Variants in CEP70 observed in about 807,000 individuals in gnomAD.
The protein encoded by CEP70 is centrosomal protein of 70 kDa.
CEP70 carries 70 observed loss-of-function variants against 90.9 expected under a neutral mutation model. That is an observed-to-expected ratio of 0.77 (90% CI 0.64 to 0.94). CEP70 has a LOEUF of 0.94. Ranked by LOEUF, CEP70 falls within the 40% of genes least tolerant of loss-of-function variation. The pLI is 0.00. For synonymous variants in CEP70, 220 were observed against 228.3 expected, an observed-to-expected ratio of 0.96 and a Z score of 0.33; for missense variants, 648 against 669.0, an observed-to-expected ratio of 0.97 and a Z score of 0.35.
At chr3:138,572,251 A>G (rs1016797016) in intron 3 of CEP70, among the ~76,000 whole-genome samples, 1 of 152,224 alleles carries the variant, frequency 6.6e-6, no homozygotes, top group African/African-American at 2.4e-5. Context: ...ACACTCTCAA[A>G]GTCAAACAAG....
intron 6 of CEP70, among the ~76,000 whole-genome samples, chr3:138,553,295 C>T (rs776937728): frequency 9.9e-5 from 15 of 151,950 alleles, no homozygotes; most frequent in African/African-American, 1.9e-4. Flanking sequence ...CTGGCTAACA[C>T]GGTGAAACCC....
chr3:138,583,126 T>C (rs1049540610), intron 2 of CEP70, among the ~76,000 whole-genome samples: 5 of 152,100 alleles, frequency 3.3e-5, no homozygotes, highest in African/African-American at 1.2e-4. Flanking sequence ...GAAAAGGATA[T>C]TACATGCCAA....
chr3:138,554,138 T>C (rs148527699), intron 6 of CEP70, among the ~76,000 whole-genome samples: 1 of 151,204 alleles, frequency 6.6e-6, no homozygotes, highest in Non-Finnish European at 1.5e-5. Flanking sequence ...GAGGCGGAGA[T>C]TTCAGTGAGC....
At chr3:138,544,489 C>G (rs1447285067) in intron 6 of CEP70, among the ~76,000 whole-genome samples, 1 of 150,028 alleles carries the variant, frequency 6.7e-6, no homozygotes, top group Non-Finnish European at 1.5e-5. Flanking sequence ...CCATATGATC[C>G]AGCAAACCCA....
intron 6 of CEP70, among the ~76,000 whole-genome samples, chr3:138,545,970 T>C (rs2039164217): frequency 6.6e-6 from 1 of 152,186 alleles, no homozygotes; most frequent in Non-Finnish European, 1.5e-5. Context: ...ATACTAATTT[T>C]GCCCTTTGCC....
At chr3:138,500,626 A>G in intron 14 of CEP70, 59 bp from the exon 15 acceptor site, 1 of 1,521,888 alleles carries the variant, frequency 6.6e-7, no homozygotes, top group Non-Finnish European at 8.8e-7. Context: ...TCCCAAATAA[A>G]AACTTTTAAA....
chr3:138,516,176 A>T (rs900608041), intron 11 of CEP70, among the ~76,000 whole-genome samples: 1 of 152,068 alleles, frequency 6.6e-6, no homozygotes, highest in Non-Finnish European at 1.5e-5. Flanking sequence ...CCCTTCATGT[A>T]ATCTCTATGA....
Position 138,532,697 on chromosome 3 carries a change from T to A in CEP70, c.636-127A>T, listed in dbSNP as rs997380420. The A allele has an allele frequency of 2.3e-5, 19 of 830,646 alleles. No homozygotes were observed. In the South Asian group the frequency reaches 2.5e-4, roughly 11 times the overall value. 51.5% of individuals were successfully genotyped at this position (830,646 alleles called of 1,614,324 possible). A position where few individuals can be genotyped will look rare whatever the true frequency, so the allele number is the denominator to read the frequency against. The stretch of plus-strand genomic sequence containing the variant: ...AGATTATCTGGCAGGCTTTAAAAAA[T>A]TTAAGTGATTCTTACCAAAAAGCAA... On this transcript the variant is annotated intron_variant, in intron 7 of 17. Transcript: ENST00000264982.
At chr3:138,576,419 G>A (rs7626823) in intron 2 of CEP70, among the ~76,000 whole-genome samples, 1,574 of 152,164 alleles carry the variant, frequency 0.01, 27 homozygotes, top group African/African-American at 0.037. Flanking sequence ...AAATATACAC[G>A]CACCCAATAC....
At chr3:138,522,194 AT>A (rs1387610184) in intron 11 of CEP70, among the ~76,000 whole-genome samples, 1 of 152,006 alleles carries the variant, frequency 6.6e-6, no homozygotes, top group African/African-American at 2.4e-5. Flanking sequence ...CTTTGTTCAC[AT>A]GTTTATCTGC....
chr3:138,510,801 A>G (rs1376361836), intron 11 of CEP70, among the ~76,000 whole-genome samples: 1 of 151,954 alleles, frequency 6.6e-6, no homozygotes, highest in Non-Finnish European at 1.5e-5. Flanking sequence ...GTTGCCATCA[A>G]TTGGAACACA....
chr3:138,526,477 T>C (rs938909024), intron 10 of CEP70, among the ~76,000 whole-genome samples: 4 of 152,244 alleles, frequency 2.6e-5, no homozygotes, highest in African/African-American at 9.6e-5. Flanking sequence ...TATAAGCTTA[T>C]TGAGAACAGG....
intron 6 of CEP70, among the ~76,000 whole-genome samples, chr3:138,560,469 TTTTG>T (rs2040325889): frequency 1.3e-5 from 2 of 151,516 alleles, no homozygotes; most frequent in Non-Finnish European, 2.9e-5. Context: ...GTGCAGGAGT[TTTTG>T]TTTTTTTTTT....
At chr3:138,569,825 G>A (rs1011503510) in intron 6 of CEP70, among the ~76,000 whole-genome samples, 4 of 152,124 alleles carry the variant, frequency 2.6e-5, no homozygotes, top group Admixed American at 6.5e-5. Context: ...CTGTGATTGC[G>A]CCACTGCACT....
At position 138,558,139 on chromosome 3, in the gene CEP70, C is replaced by T. The variant is rs375761773; in HGVS notation, c.465+12179G>A. On this transcript the variant is annotated intron_variant, in intron 6 of 17. Transcript: ENST00000264982. ...CAGCACTTTGCGAGGCCGAGGCAGG[C>T]GGATTGCCTGAGGTCAGGAGTTCGA... Among the ~76,000 whole-genome samples, 31 of 152,278 alleles carry T rather than the reference C, an allele frequency of 2.0e-4. No individual in the cohort carries two copies. In the East Asian group the frequency reaches 3.9e-3, roughly 19 times the overall value.
Position 138,494,934 on chromosome 3 carries a change from T to C in CEP70, c.*81A>G. ...TGAGAGCAAATACATTTTACAACCC[T>C]TGTCTCAAAATAAGATCAATCCTAC... On this transcript the variant is annotated 3_prime_UTR_variant, in exon 18 of 18. Coordinates refer to ENST00000264982, the MANE Select transcript of CEP70 (RefSeq NM_024491.4). 1 of 780,428 alleles carries C rather than the reference T, an allele frequency of 1.3e-6. No individual in the cohort carries two copies. Among genetic ancestry groups the C allele is most frequent in the Non-Finnish European group, 2.2e-6 (1 of 461,610 alleles). 48.3% of individuals were successfully genotyped at this position (780,428 alleles called of 1,614,324 possible).
chr3:138,573,194 A>G (rs2041298140), intron 2 of CEP70, among the ~76,000 whole-genome samples: 1 of 152,108 alleles, frequency 6.6e-6, no homozygotes, highest in Admixed American at 6.6e-5. Flanking sequence ...CATATACCAC[A>G]CACACACATA....
chr3:138,541,432 A>T (rs1302203395), intron 6 of CEP70, among the ~76,000 whole-genome samples: 2 of 129,628 alleles, frequency 1.5e-5, no homozygotes, highest in East Asian at 5.0e-4. Context: ...AAGAAAAAGA[A>T]AAAAAAAAAC....
intron 2 of CEP70, among the ~76,000 whole-genome samples, chr3:138,577,115 T>C (rs1215122495): frequency 6.6e-6 from 1 of 152,106 alleles, no homozygotes; most frequent in Admixed American, 6.5e-5. Context: ...AAACACTGCA[T>C]GTTCTCACTC....
Sources: gnomAD v4.1 joint callset for allele counts (sites outside exome capture counted in the v4.1 genomes callset) on GRCh38, gnomAD v4.1.1 for gene constraint, MANE v1.5 for transcripts, NCBI Gene and HGNC (gene_info 2026-07-23, HGNC 2026-07-21) for gene names.